The following ZNG1C variants were observed in gnomAD, a reference collection of about 807,000 sequenced individuals.
The protein encoded by ZNG1C is zinc-regulated GTPase metalloprotein activator 1C.
chr9:68,287,659 C>T, the ZNG1C span, among the ~76,000 whole-genome samples: 2 of 152,406 alleles, frequency 1.3e-5, no homozygotes, highest in East Asian at 3.9e-4. Context: ...AAAGCAAATT[C>T]CAGACATTAT....
At chr9:68,247,133 A>T in the ZNG1C span, among the ~76,000 whole-genome samples, 30 of 152,338 alleles carry the variant, frequency 2.0e-4, 1 homozygote, top group South Asian at 6.2e-3. Context: ...ACACTGGCCA[A>T]AAACCTTCCT....
At chr9:68,291,919 G>T in the ZNG1C span, among the ~76,000 whole-genome samples, 1 of 141,754 alleles carries the variant, frequency 7.1e-6, no homozygotes, top group Non-Finnish European at 1.5e-5. Context: ...AACCCTCAAA[G>T]AGTACATTTC....
the ZNG1C span, among the ~76,000 whole-genome samples, chr9:68,271,919 A>C: frequency 6.6e-6 from 1 of 150,878 alleles, no homozygotes; most frequent in Non-Finnish European, 1.5e-5. Context: ...GCAGGTTTGG[A>C]AAATGTGATT....
the ZNG1C span, among the ~76,000 whole-genome samples, chr9:68,276,074 A>G: frequency 6.6e-6 from 1 of 151,776 alleles, no homozygotes; most frequent in Non-Finnish European, 1.5e-5. Context: ...GCATTTTTTC[A>G]CGTGTTTTTT....
the ZNG1C span, among the ~76,000 whole-genome samples, chr9:68,249,440 A>G: frequency 2.5e-5 from 2 of 79,580 alleles, no homozygotes; most frequent in African/African-American, 1.0e-4. Context: ...ATGACAAGAA[A>G]CTCTAAACTC....
chr9:68,294,779 G>A, the ZNG1C span, among the ~76,000 whole-genome samples: 1 of 149,202 alleles, frequency 6.7e-6, no homozygotes, highest in Non-Finnish European at 1.5e-5. Flanking sequence ...GAGAAAGAAG[G>A]AATCCTCCCT....
chr9:68,274,339 G>A, the ZNG1C span: 1 of 153,250 alleles, frequency 6.5e-6, no homozygotes, highest in African/African-American at 2.4e-5. Context: ...TGTCTATTCG[G>A]ATGGTGGGAA....
At chr9:68,266,615 G>GATGGTTAA in the ZNG1C span, among the ~76,000 whole-genome samples, 1 of 146,532 alleles carries the variant, frequency 6.8e-6, no homozygotes, top group Non-Finnish European at 1.5e-5. Context: ...CTTTACCCAG[G>GATGGTTAA]ATGGTTAATT....
the ZNG1C span, among the ~76,000 whole-genome samples, chr9:68,276,546 A>G: frequency 7.3e-5 from 11 of 149,686 alleles, no homozygotes; most frequent in African/African-American, 2.5e-4. Context: ...TCCCAGCACC[A>G]TTTATTAAAT....
At chr9:68,284,852 A>AT in the ZNG1C span, among the ~76,000 whole-genome samples, 1 of 149,690 alleles carries the variant, frequency 6.7e-6, no homozygotes, top group Non-Finnish European at 1.5e-5. Context: ...AGGGCATGAA[A>AT]TTCTGAGACT....
chr9:68,281,199 G>A, the ZNG1C span, among the ~76,000 whole-genome samples: 6 of 152,196 alleles, frequency 3.9e-5, no homozygotes, highest in African/African-American at 9.7e-5. Flanking sequence ...TTTGGCTCGC[G>A]GATGGAGCAC....
the ZNG1C span, chr9:68,273,897 T>G: frequency 8.5e-6 from 1 of 117,072 alleles, no homozygotes; most frequent in African/African-American, 3.0e-5. Flanking sequence ...TGGAGTGCAG[T>G]GGTGCAATCT....
chr9:68,281,764 G>A, the ZNG1C span, among the ~76,000 whole-genome samples: 2 of 138,460 alleles, frequency 1.4e-5, no homozygotes, highest in African/African-American at 5.5e-5. Flanking sequence ...TTGATTTCAT[G>A]TAGCATAAAG....
At chr9:68,267,221 G>A in the ZNG1C span, among the ~76,000 whole-genome samples, 3 of 152,244 alleles carry the variant, frequency 2.0e-5, no homozygotes, top group Admixed American at 1.3e-4. Context: ...AGTTCATATA[G>A]TATATATTAT....
At chr9:68,247,264 A>G in the ZNG1C span, among the ~76,000 whole-genome samples, 1 of 151,830 alleles carries the variant, frequency 6.6e-6, no homozygotes, top group Admixed American at 6.6e-5. Context: ...AAGGGCATAC[A>G]GAATCCAGTA....
At chr9:68,257,369 A>G in the ZNG1C span, among the ~76,000 whole-genome samples, 2 of 114,050 alleles carry the variant, frequency 1.8e-5, no homozygotes, top group Admixed American at 1.9e-4. Flanking sequence ...CTTTATGGTT[A>G]AGCTTATTGT....
the ZNG1C span, among the ~76,000 whole-genome samples, chr9:68,287,599 G>C: frequency 6.6e-6 from 1 of 152,306 alleles, no homozygotes; most frequent in Non-Finnish European, 1.5e-5. Flanking sequence ...CATAAGAGTA[G>C]AATAGTATAA....
chr9:68,275,335 TTTA>T, the ZNG1C span, among the ~76,000 whole-genome samples: 15 of 147,514 alleles, frequency 1.0e-4, no homozygotes, highest in Non-Finnish European at 1.7e-4. Context: ...AATTTATTTA[TTTA>T]TTATTATTTA....
At chr9:68,292,004 G>A in the ZNG1C span, among the ~76,000 whole-genome samples, 1 of 151,212 alleles carries the variant, frequency 6.6e-6, no homozygotes, top group Non-Finnish European at 1.5e-5. Flanking sequence ...CACATCTCCC[G>A]ACTCTGTGCA....
Sources: gnomAD v4.1 joint callset for allele counts (sites outside exome capture counted in the v4.1 genomes callset) on GRCh38, gnomAD v4.1.1 for gene constraint, MANE v1.5 for transcripts, NCBI Gene and HGNC (gene_info 2026-07-23, HGNC 2026-07-21) for gene names.